Variants in AMMECR1 observed in about 807,000 individuals in gnomAD.
AMMECR1 encodes nuclear protein AMMECR1.
In AMMECR1, 3 loss-of-function variants were observed where a neutral mutation model predicts 22.5. That is an observed-to-expected ratio of 0.13 (90% confidence interval 0.06 to 0.35). The LOEUF (loss-of-function observed/expected upper bound fraction) is 0.35, where lower values mean the gene tolerates loss of function less well. Ranked by LOEUF, AMMECR1 falls within the 10% of genes least tolerant of loss-of-function variation. The pLI, the probability that AMMECR1 is intolerant of heterozygous loss-of-function variation, is 1.00. For missense variants in AMMECR1, 235 were observed against 278.7 expected (o/e 0.84, Z 1.12); for synonymous variants, 130 against 116.7 (o/e 1.11, Z -0.74).
chrX:110,254,520 G>C (rs1036604492), intron 2 of AMMECR1, among the ~76,000 whole-genome samples: 1 of 111,387 alleles, frequency 9.0e-6, no homozygotes, highest in African/African-American at 3.3e-5. Flanking sequence ...TTTGTTTAGT[G>C]ATGTTGTTTT....
At chrX:110,235,478 T>C (rs1262553636) in intron 2 of AMMECR1, among the ~76,000 whole-genome samples, 2 of 112,682 alleles carry the variant, frequency 1.8e-5, no homozygotes, top group East Asian at 5.6e-4. Flanking sequence ...ATCCCATTAC[T>C]GGGTATATAC....
intron 2 of AMMECR1, among the ~76,000 whole-genome samples, chrX:110,359,891 A>G (rs2068251856): frequency 8.9e-6 from 1 of 112,207 alleles, no homozygotes; most frequent in African/African-American, 3.2e-5. Flanking sequence ...TGAACTTGGC[A>G]TAGAAGGGTA....
At chrX:110,375,163 G>T (rs1281548948) in intron 2 of AMMECR1, among the ~76,000 whole-genome samples, 1 of 111,372 alleles carries the variant, frequency 9.0e-6, no homozygotes, top group African/African-American at 3.3e-5. Context: ...TAATAAAACT[G>T]GAATTGCAAG....
chrX:110,273,977 T>G (rs2067812622), intron 1 of AMMECR1, among the ~76,000 whole-genome samples: 1 of 112,104 alleles, frequency 8.9e-6, no homozygotes, highest in Middle Eastern at 4.6e-3. Flanking sequence ...GGTCTTTTTT[T>G]GTTCCATGTG....
At chrX:110,381,854 T>C (rs1247405478) in intron 2 of AMMECR1, among the ~76,000 whole-genome samples, 22 of 110,770 alleles carry the variant, frequency 2.0e-4, no homozygotes. Flanking sequence ...GTGGGAGCTA[T>C]ACCTTGGGTA....
chrX:110,236,544 A>G (rs755994537), intron 2 of AMMECR1, among the ~76,000 whole-genome samples: 1 of 112,288 alleles, frequency 8.9e-6, no homozygotes, highest in African/African-American at 3.2e-5. Flanking sequence ...ATCCCCATGT[A>G]TATGTTATAG....
chrX:110,340,399 A>C (rs1169554357), intron 2 of AMMECR1, among the ~76,000 whole-genome samples: 1 of 112,202 alleles, frequency 8.9e-6, no homozygotes, highest in Admixed American at 9.4e-5. Context: ...TTGACCAAAT[A>C]TTTTAAATAT....
intron 2 of AMMECR1, among the ~76,000 whole-genome samples, chrX:110,348,956 C>T (rs2068201078): frequency 8.9e-6 from 1 of 111,874 alleles, no homozygotes; most frequent in African/African-American, 3.2e-5. Flanking sequence ...AAACTAAAAG[C>T]CCCTTATGCC....
chrX:110,328,017 G>T (rs1473035687), intron 2 of AMMECR1, among the ~76,000 whole-genome samples: 1 of 111,911 alleles, frequency 8.9e-6, no homozygotes, highest in African/African-American at 3.3e-5. Context: ...TGGAGTGAGA[G>T]AAATAGTTAA....
chrX:110,232,181 A>T (rs964440525), intron 2 of AMMECR1, among the ~76,000 whole-genome samples: 1 of 111,952 alleles, frequency 8.9e-6, no homozygotes, highest in Non-Finnish European at 1.9e-5. Context: ...AGACATCTAC[A>T]GGACTCTCCA....
At chrX:110,275,035 C>G (rs1271306364) in intron 1 of AMMECR1, among the ~76,000 whole-genome samples, 1 of 111,646 alleles carries the variant, frequency 9.0e-6, no homozygotes, top group Non-Finnish European at 1.9e-5. Flanking sequence ...CCTTTAACTT[C>G]TATATACCAT....
At chrX:110,235,927 G>A (rs1406290512) in intron 2 of AMMECR1, among the ~76,000 whole-genome samples, 5 of 110,301 alleles carry the variant, frequency 4.5e-5, no homozygotes, top group South Asian at 3.9e-4. Context: ...AAACCTGCAC[G>A]TTGTGCAGAC....
chrX:110,371,970 T>C (rs1392320146), intron 2 of AMMECR1, among the ~76,000 whole-genome samples: 1 of 111,699 alleles, frequency 9.0e-6, no homozygotes, highest in African/African-American at 3.3e-5. Flanking sequence ...TACTAGATCC[T>C]TTACTGTTAC....
At chrX:110,203,420 T>C (rs1334357083) in intron 3 of AMMECR1, among the ~76,000 whole-genome samples, 3 of 111,800 alleles carry the variant, frequency 2.7e-5, no homozygotes, top group Admixed American at 9.5e-5. Flanking sequence ...TCCTTTCCCC[T>C]CATATCTCAC....
At position 110,281,325 on chromosome X, in the gene AMMECR1, C is replaced by T. The variant is rs180747455; in HGVS notation, c.474-16726G>A. 1.7e-3 allele frequency among the ~76,000 whole-genome samples: 190 copies of T among 112,252 alleles called. 1 individual carries two copies. The highest frequency in any genetic ancestry group is 3.1e-3 in the Non-Finnish European group (165 of 53,191). ...CTTCAGTCAAAAAGAACTCATTCTA[C>T]AGTAGTACACCATAAAACTAGAAGC... On this transcript the variant is annotated intron_variant, in intron 1 of 5. Transcript: ENST00000262844.
At chrX:110,254,150 C>T (rs1009104950) in intron 2 of AMMECR1, among the ~76,000 whole-genome samples, 6 of 111,123 alleles carry the variant, frequency 5.4e-5, no homozygotes, top group African/African-American at 1.3e-4. Context: ...GTATTACATG[C>T]GCCATTTTGT....
At chrX:110,367,692 C>T (rs2068306555) in intron 2 of AMMECR1, among the ~76,000 whole-genome samples, 1 of 111,454 alleles carries the variant, frequency 9.0e-6, no homozygotes, top group Admixed American at 9.6e-5. Flanking sequence ...GCTTCTCCCA[C>T]AGCCTTCTTT....
chrX:110,317,726 A>G lies in AMMECR1; in HGVS notation c.346T>C (p.Ser116Pro). The G allele has an allele frequency of 1.2e-5, 15 of 1,200,576 alleles. No homozygotes were observed. The highest frequency in any genetic ancestry group is 1.7e-5 in the Non-Finnish European group (15 of 889,291). Residue 116 changes from serine (S) to proline (P), a missense_variant, in exon 1 of 6, where the codon TCC (serine) becomes CCC (proline). Around this residue, in one of 2 missense-constraint regions of AMMECR1, gnomAD observed 111 missense variants for 181.7 expected, o/e 0.61. Coordinates refer to ENST00000262844, the MANE Select transcript of AMMECR1 (RefSeq NM_015365.3). ...ATCTTCCGGGAGCCCGGCGATGAGG[A>G]CGAGGCGGCGGACGATGAGGAGGGT... is the stretch of plus-strand genomic sequence containing the variant. ...SSPSSSSAASSSSPGSRKMVV... is the reference protein window; with the variant it reads ...SSPSSSSAASPSSPGSRKMVV...
chrX:110,225,328 A>T (rs1156364638), intron 2 of AMMECR1, among the ~76,000 whole-genome samples: 1 of 112,116 alleles, frequency 8.9e-6, no homozygotes, highest in Non-Finnish European at 1.9e-5. Flanking sequence ...TTAAGAGGAA[A>T]CTCATAGAAG....
Sources: gnomAD v4.1 joint callset for allele counts (sites outside exome capture counted in the v4.1 genomes callset) on GRCh38, gnomAD v4.1.1 for gene constraint, gnomAD v4.1.1 regional missense constraint, MANE v1.5 for transcripts, NCBI Gene and HGNC (gene_info 2026-07-23, HGNC 2026-07-21) for gene names.